Variants in HTR3B observed in about 807,000 individuals in gnomAD.
The protein encoded by HTR3B is 5-hydroxytryptamine receptor 3B, also known as 5-hydroxytryptamine (serotonin) receptor 3B, ionotropic.
HTR3B carries 44 observed loss-of-function variants against 42.8 expected under a neutral mutation model. The observed-to-expected ratio is 1.03, with a 90% CI of 0.81 to 1.32. The LOEUF is 1.32. Among genes scored for constraint, HTR3B ranks in the 40% most tolerant of loss-of-function variants. The probability of loss-of-function intolerance (pLI) is 0.00; values close to 1 mark genes in which losing one functional copy is unlikely to be tolerated. For synonymous variants in HTR3B, 203 were observed against 209.0 expected (o/e 0.97, Z 0.25); for missense variants, 527 against 536.5 (o/e 0.98, Z 0.17).
chr11:113,939,038 C>T (rs1054834985), intron 6 of HTR3B, among the ~76,000 whole-genome samples: 30 of 151,758 alleles, frequency 2.0e-4, no homozygotes, highest in African/African-American at 7.3e-4. Flanking sequence ...CCTTAAATAA[C>T]CACAAGAAAA....
In HTR3B at chr11:113,946,061, T is replaced by A; in HGVS notation, c.1250T>A (p.Phe417Tyr). 6.2e-7 allele frequency: 1 copy of A among 1,606,854 alleles called. No individual in the cohort carries two copies. Among genetic ancestry groups the A allele is most frequent in the Non-Finnish European group, 8.5e-7 (1 of 1,176,828 alleles). The change falls in exon 9 of 9, where the codon TTC becomes TAC. Residue 417 changes from phenylalanine to tyrosine, a missense_variant. Transcript: ENST00000260191. ...CTGTCCCGCTTTGACCGACTGCTCT[T>A]CCAAAGCTACCTTTTCATGCTGGGG... ...VLLSRFDRLLFQSYLFMLGIY... is the reference protein window; with the variant it reads ...VLLSRFDRLLYQSYLFMLGIY...
intron 7 of HTR3B, among the ~76,000 whole-genome samples, chr11:113,943,707 G>A (rs1348575852): frequency 6.6e-6 from 1 of 151,952 alleles, no homozygotes; most frequent in African/African-American, 2.4e-5. Context: ...CAGCTATTCA[G>A]GAAGCTGAGG....
intron 6 of HTR3B, among the ~76,000 whole-genome samples, chr11:113,942,748 C>G (rs899753671): frequency 1.3e-5 from 2 of 152,188 alleles, no homozygotes; most frequent in African/African-American, 4.8e-5. Context: ...GCTGCTGCTT[C>G]TTATTATCAC....
chr11:113,923,345 A>G (rs1385968207), intron 2 of HTR3B, among the ~76,000 whole-genome samples: 10 of 152,202 alleles, frequency 6.6e-5, no homozygotes, highest in African/African-American at 1.4e-4. Flanking sequence ...GTTTATATAA[A>G]AGACTACAGT....
chr11:113,905,904 A>G (rs1381678254), intron 1 of HTR3B, among the ~76,000 whole-genome samples: 3 of 152,198 alleles, frequency 2.0e-5, no homozygotes, highest in Non-Finnish European at 4.4e-5. Flanking sequence ...AAAGTATAAA[A>G]ATCCTGGATG....
upstream of HTR3B, among the ~76,000 whole-genome samples, chr11:113,903,464 C>T (rs1223839674): frequency 7.2e-6 from 1 of 139,086 alleles, no homozygotes; most frequent in African/African-American, 2.7e-5. Context: ...GAGTCTCCCT[C>T]TGTCTCCCAG....
rs768239965 is a variant in HTR3B at position 113,946,098 on chromosome 11, C to T, written c.1287C>T (p.Ile429=). 5.6e-6 allele frequency: 9 copies of T among 1,613,938 alleles called. No individual in the cohort carries two copies. The highest frequency in any genetic ancestry group is 5.3e-5 in the African/African-American group (4 of 74,910). The change falls in exon 9 of 9, where the codon ATC becomes ATT. Residue 429 remains isoleucine, a synonymous_variant. Transcript: ENST00000260191. ...SYLFMLGIYT[I]TLCSLWALWG... is the part of the protein sequence containing the mutation. The stretch of plus-strand genomic sequence containing the variant: ...TTTTCATGCTGGGGATCTACACCAT[C>T]ACTCTGTGCTCCCTCTGGGCACTGT...
intron 2 of HTR3B, among the ~76,000 whole-genome samples, chr11:113,927,309 T>C (rs1379361310): frequency 6.6e-6 from 1 of 152,176 alleles, no homozygotes; most frequent in Non-Finnish European, 1.5e-5. Context: ...GTTAAACATT[T>C]TCATGTGATT....
chr11:113,946,831 A>C lies in HTR3B; in HGVS notation c.*694A>C, dbSNP rs1261690927. Among the ~76,000 whole-genome samples the C allele has an allele frequency of 6.6e-6, 1 of 152,198 alleles. No individual in the cohort carries two copies. Among genetic ancestry groups the C allele is most frequent in the Non-Finnish European group, 1.5e-5 (1 of 68,024 alleles). ...CCAGCCCTGCCTTGGCCATTTATTC[A>C]GTCACCCATTCAACAAAACCTTTAT... is the stretch of plus-strand genomic sequence containing the variant. On this transcript the variant is annotated 3_prime_UTR_variant, in exon 9 of 9. Transcript: ENST00000260191.
chr11:113,910,023 G>T (rs1409679360), intron 2 of HTR3B, among the ~76,000 whole-genome samples: 1 of 149,884 alleles, frequency 6.7e-6, no homozygotes, highest in Non-Finnish European at 1.5e-5. Flanking sequence ...TGTGGTCATG[G>T]ATCACAGTAC....
Position 113,931,770 on chromosome 11 carries a change from G to A in HTR3B, c.271G>A (p.Glu91Lys), listed in dbSNP as rs772570898. Residue 91 changes from glutamate to lysine, a missense_variant, in exon 4 of 9, where the codon GAA becomes AAA. Glu to Lys is a moderately conservative substitution (Grantham distance 56). Transcript: ENST00000260191. The stretch of plus-strand genomic sequence containing the variant: ...CTACTACTAACAGGTCTGGAATGAT[G>A]AATTTTTATCCTGGAACTCCAGCAT... ...SVWYQEVWND[E>K]FLSWNSSMFD... The A allele has an allele frequency of 1.7e-5, 27 of 1,608,236 alleles. No homozygotes were observed. Among genetic ancestry groups the A allele is most frequent in the Non-Finnish European group, 2.0e-5 (23 of 1,174,696 alleles).
chr11:113,905,808 T>C (rs1485231376), intron 1 of HTR3B, among the ~76,000 whole-genome samples: 1 of 152,184 alleles, frequency 6.6e-6, no homozygotes, highest in East Asian at 1.9e-4. Context: ...ATGAGTCAAT[T>C]ATAGAGATGA....
chr11:113,926,157 A>G (rs1296168629), intron 2 of HTR3B, among the ~76,000 whole-genome samples: 2 of 152,168 alleles, frequency 1.3e-5, no homozygotes, highest in Admixed American at 1.3e-4. Context: ...TTCACTTAGC[A>G]TGCTTTCAAA....
At chr11:113,935,283 C>CG (rs1326004224) in intron 6 of HTR3B, among the ~76,000 whole-genome samples, 2 of 152,058 alleles carry the variant, frequency 1.3e-5, no homozygotes, top group Non-Finnish European at 2.9e-5. Flanking sequence ...TGCTTCCCCC[C>CG]GGGTACGTTT....
intron 6 of HTR3B, among the ~76,000 whole-genome samples, chr11:113,934,709 G>A (rs570369075): frequency 6.6e-6 from 1 of 150,710 alleles, no homozygotes; most frequent in Admixed American, 6.7e-5. Flanking sequence ...TTGCATTGTG[G>A]CCTGTTTGTC....
Position 113,946,340 on chromosome 11 carries a change from G to GTAAA in HTR3B, c.*242_*245dup, listed in dbSNP as rs58093170. ...ACATAGTGAGACCACATCTCTACCA[G>GTAAA]TAAATAAATAAATAAATAAATAAAT... On this transcript the variant is annotated 3_prime_UTR_variant, in exon 9 of 9. Transcript: ENST00000260191. 0.12 allele frequency: 27,424 copies of GTAAA among 235,086 alleles called. 2,481 individuals carry two copies. Among genetic ancestry groups the GTAAA allele is most frequent in the African/African-American group, 0.15 (6,171 of 40,570 alleles). 14.6% of individuals were successfully genotyped at this position (235,086 alleles called of 1,614,324 possible).
intron 6 of HTR3B, among the ~76,000 whole-genome samples, chr11:113,940,693 G>A (rs767355822): frequency 6.6e-6 from 1 of 152,142 alleles, no homozygotes; most frequent in African/African-American, 2.4e-5. Context: ...CCACAGAGTC[G>A]GGATGTGCTC....
intron 6 of HTR3B, among the ~76,000 whole-genome samples, chr11:113,937,682 GCAACTTGA>G (rs1428620652): frequency 1.3e-5 from 2 of 152,216 alleles, no homozygotes; most frequent in Non-Finnish European, 2.9e-5. Context: ...TTGAACCCAG[GCAACTTGA>G]CTCCAGAAAC....
chr11:113,900,220 T>C (rs1314826245), upstream of HTR3B, among the ~76,000 whole-genome samples: 1 of 151,984 alleles, frequency 6.6e-6, no homozygotes, highest in Non-Finnish European at 1.5e-5. Context: ...ATCACACCAC[T>C]GCACTCCAGC....
Sources: gnomAD v4.1 joint callset for allele counts (sites outside exome capture counted in the v4.1 genomes callset) on GRCh38, gnomAD v4.1.1 for gene constraint, MANE v1.5 for transcripts, NCBI Gene and HGNC (gene_info 2026-07-23, HGNC 2026-07-21) for gene names.